Variants in MAGI2 observed in about 807,000 individuals in gnomAD.
MAGI2 encodes the protein membrane-associated guanylate kinase, WW and PDZ domain-containing protein 2.
Under a neutral mutation model 133.3 loss-of-function variants are expected in MAGI2, and 35 were observed. The observed-to-expected ratio is 0.26, with a 90% CI of 0.20 to 0.35. The LOEUF (loss-of-function observed/expected upper bound fraction) is 0.35. Among genes scored for constraint, MAGI2 ranks in the 10% least tolerant of loss-of-function variants. The pLI is 1.00. For synonymous variants in MAGI2, 729 were observed against 710.6 expected (o/e 1.03, Z -0.41); for missense variants, 1,636 against 1,863.4 (o/e 0.88, Z 2.25).
chr7:78,303,734 AG>A (rs2151079252), intron 9 of MAGI2, among the ~76,000 whole-genome samples: 1 of 152,296 alleles, frequency 6.6e-6, no homozygotes, highest in East Asian at 1.9e-4. Context: ...TGCAAATGTT[AG>A]GGGTTTATTC....
At chr7:78,183,496 A>C (rs1419839568) in intron 13 of MAGI2, among the ~76,000 whole-genome samples, 1 of 150,992 alleles carries the variant, frequency 6.6e-6, no homozygotes, top group Non-Finnish European at 1.5e-5. Context: ...GATCTCTTGA[A>C]CTCGTGATCT....
At chr7:78,589,873 G>T (rs879772367) in intron 3 of MAGI2, among the ~76,000 whole-genome samples, 10 of 152,134 alleles carry the variant, frequency 6.6e-5, no homozygotes, top group African/African-American at 2.4e-4. Flanking sequence ...CAACAAGCAG[G>T]TTATTATTTC....
intron 2 of MAGI2, among the ~76,000 whole-genome samples, chr7:78,757,535 A>G (rs570040427): frequency 2.4e-4 from 37 of 152,344 alleles, no homozygotes; most frequent in Non-Finnish European, 3.7e-4. Context: ...TGAATTCTCT[A>G]TCTCCATTTC....
At chr7:79,110,466 G>A in intron 1 of MAGI2, among the ~76,000 whole-genome samples, 1 of 152,282 alleles carries the variant, frequency 6.6e-6, no homozygotes, top group African/African-American at 2.4e-5. Context: ...AAACTTGCAT[G>A]GGGCCTATAG....
chr7:78,798,617 T>C (rs1787811375), intron 2 of MAGI2, among the ~76,000 whole-genome samples: 1 of 152,174 alleles, frequency 6.6e-6, no homozygotes, highest in Non-Finnish European at 1.5e-5. Flanking sequence ...CTTCAATCTT[T>C]AGGCTTCAGG....
chr7:79,205,426 C>T (rs1828959245), intron 1 of MAGI2, among the ~76,000 whole-genome samples: 1 of 151,816 alleles, frequency 6.6e-6, no homozygotes, highest in Admixed American at 6.6e-5. Context: ...AAAGACTATT[C>T]CCAGAAAAAT....
chr7:78,929,492 G>T (rs888383353), intron 2 of MAGI2, among the ~76,000 whole-genome samples: 3 of 151,992 alleles, frequency 2.0e-5, no homozygotes, highest in African/African-American at 7.2e-5. Flanking sequence ...AAAGTCAAAC[G>T]TCAGCAGGAG....
At chr7:79,282,235 C>G (rs1217090756) in intron 1 of MAGI2, among the ~76,000 whole-genome samples, 4 of 152,166 alleles carry the variant, frequency 2.6e-5, no homozygotes, top group Non-Finnish European at 5.9e-5. Flanking sequence ...TCTTACAACT[C>G]CAGTTCCCTC....
chr7:79,332,633 G>A (rs1224047389), intron 1 of MAGI2, among the ~76,000 whole-genome samples: 1 of 152,098 alleles, frequency 6.6e-6, no homozygotes, highest in Non-Finnish European at 1.5e-5. Context: ...AAGTCATATT[G>A]GGTAGAGCAG....
chr7:79,188,109 A>AATTTT (rs1418035827), intron 1 of MAGI2, among the ~76,000 whole-genome samples: 1 of 151,736 alleles, frequency 6.6e-6, no homozygotes, highest in Non-Finnish European at 1.5e-5. Context: ...TTAAGCATCC[A>AATTTT]ATTTTATTTT....
rs1177637105 is a variant in MAGI2 at position 78,723,890 on chromosome 7, CAG to C, written c.419-96653_419-96652del. Among the ~76,000 whole-genome samples the C allele has an allele frequency of 5.9e-5, 9 of 152,194 alleles. No homozygotes were observed. The East Asian group carries it at 1.7e-3, about 29-fold the overall frequency. Reference sequence around the variant, plus strand: ...AGGTAAGGTTGCTGGGGAGGCAAAACAGAACATGACGAAGCCACACTCGGGAA... The same window carrying C: ...AGGTAAGGTTGCTGGGGAGGCAAAACAACATGACGAAGCCACACTCGGGAA... On this transcript the variant is annotated intron_variant, in intron 2 of 21. Coordinates refer to ENST00000354212, the MANE Select transcript of MAGI2 (RefSeq NM_012301.4).
intron 10 of MAGI2, among the ~76,000 whole-genome samples, chr7:78,215,334 G>T (rs1788160983): frequency 6.6e-6 from 1 of 152,186 alleles, no homozygotes; most frequent in African/African-American, 2.4e-5. Context: ...GGAAGTATCT[G>T]TGGTGCCACA....
At chr7:79,047,426 T>C (rs1812270099) in intron 1 of MAGI2, among the ~76,000 whole-genome samples, 2 of 152,094 alleles carry the variant, frequency 1.3e-5, no homozygotes, top group East Asian at 1.9e-4. Flanking sequence ...TACAAAATAA[T>C]AATATGGCAC....
At chr7:78,501,555 G>T in intron 5 of MAGI2, 22 bp downstream of exon 5, 1 of 1,594,220 alleles carries the variant, frequency 6.3e-7, no homozygotes, top group Non-Finnish European at 8.6e-7. Flanking sequence ...TGGCACTGTT[G>T]AAAGAAATGT....
chr7:78,536,347 C>T (rs1362530658), intron 3 of MAGI2, among the ~76,000 whole-genome samples: 1 of 151,494 alleles, frequency 6.6e-6, no homozygotes, highest in African/African-American at 2.4e-5. Flanking sequence ...CTCCTGACCT[C>T]GTGATCCGCC....
At chr7:78,344,646 GT>G (rs1264259339) in intron 8 of MAGI2, among the ~76,000 whole-genome samples, 1 of 152,094 alleles carries the variant, frequency 6.6e-6, no homozygotes, top group Admixed American at 6.5e-5. Context: ...CTCCGATAGT[GT>G]TTAGTATACT....
At chr7:78,067,766 T>C (rs988028701) in intron 21 of MAGI2, among the ~76,000 whole-genome samples, 2 of 152,144 alleles carry the variant, frequency 1.3e-5, no homozygotes, top group East Asian at 1.9e-4. Context: ...TGACTGAAGG[T>C]CTATAGTTAA....
intron 9 of MAGI2, among the ~76,000 whole-genome samples, chr7:78,309,736 G>C (rs930035939): frequency 5.3e-5 from 8 of 152,190 alleles, no homozygotes; most frequent in African/African-American, 1.7e-4. Flanking sequence ...AAAAAGCATA[G>C]AACCTGGAAT....
At chr7:78,795,862 A>G (rs1464749935) in intron 2 of MAGI2, among the ~76,000 whole-genome samples, 2 of 152,166 alleles carry the variant, frequency 1.3e-5, no homozygotes, top group African/African-American at 4.8e-5. Flanking sequence ...TCTTTGACAA[A>G]GGTGCCAAGA....
Sources: allele counts gnomAD v4.1 joint callset (sites outside exome capture counted in the v4.1 genomes callset), GRCh38; gene constraint gnomAD v4.1.1; transcripts MANE v1.5; gene names NCBI Gene and HGNC (gene_info 2026-07-23, HGNC 2026-07-21).